Variants in BICC1 observed in about 807,000 individuals in gnomAD.
BICC1 encodes the protein protein bicaudal C homolog 1.
Under a neutral mutation model 111.0 loss-of-function variants are expected in BICC1, and 43 were observed. The ratio of observed to expected loss-of-function variants is 0.39; its 90% confidence interval spans 0.30 to 0.50. The LOEUF is 0.50. Among genes scored for constraint, BICC1 ranks in the 20% least tolerant of loss-of-function variants. The probability of loss-of-function intolerance (pLI) is 0.88; values close to 1 mark genes in which losing one functional copy is unlikely to be tolerated. For missense variants in BICC1, 1,091 were observed against 1,203.2 expected, an observed-to-expected ratio of 0.91 and a Z score of 1.38; for synonymous variants, 467 against 434.4, an observed-to-expected ratio of 1.07 and a Z score of -0.93.
At position 58,694,690 on chromosome 10, in the gene BICC1, A is replaced by G. The variant is rs141411815; in HGVS notation, c.238-7384A>G. Among the ~76,000 whole-genome samples the G allele has an allele frequency of 4.8e-3, 730 of 152,238 alleles. 2 individuals are homozygous for G. Among genetic ancestry groups the G allele is most frequent in the Non-Finnish European group, 8.0e-3 (542 of 68,020 alleles). ...CTCCTAATCGCTGTTAACAACCACA[A>G]TGCTTCCCATATTTCCCATATGTGT... On this transcript the variant is annotated intron_variant, in intron 2 of 20. Coordinates refer to ENST00000373886, the MANE Select transcript of BICC1 (RefSeq NM_001080512.3).
At chr10:58,569,860 A>G (rs987514419) in intron 1 of BICC1, among the ~76,000 whole-genome samples, 2 of 152,134 alleles carry the variant, frequency 1.3e-5, no homozygotes, top group African/African-American at 2.4e-5. Context: ...ATATGTGTGC[A>G]TGTGTCTTTA....
At chr10:58,529,517 T>TA (rs1202219059) in intron 1 of BICC1, among the ~76,000 whole-genome samples, 3 of 151,976 alleles carry the variant, frequency 2.0e-5, no homozygotes, top group Non-Finnish European at 2.9e-5. Context: ...AAGCATCACT[T>TA]AAAGCAAAGG....
At chr10:58,788,254 A>G in intron 5 of BICC1, 116 bp from the exon 6 acceptor site, 1 of 702,014 alleles carries the variant, frequency 1.4e-6, no homozygotes, top group Non-Finnish European at 2.4e-6. Flanking sequence ...CTTCTGGATA[A>G]TACCTCTGTA....
At chr10:58,691,164 T>A (rs1786664568) in intron 2 of BICC1, among the ~76,000 whole-genome samples, 2 of 152,148 alleles carry the variant, frequency 1.3e-5, no homozygotes, top group Admixed American at 1.3e-4. Flanking sequence ...TCATATAATA[T>A]CTACCCTCTT....
chr10:58,573,617 A>G (rs1479500835), intron 1 of BICC1, among the ~76,000 whole-genome samples: 6 of 152,138 alleles, frequency 3.9e-5, no homozygotes, highest in Non-Finnish European at 1.5e-5. Context: ...AACCAAAGCA[A>G]ATCTCGCAAT....
intron 3 of BICC1, among the ~76,000 whole-genome samples, chr10:58,733,920 A>C (rs1389398329): frequency 2.0e-5 from 3 of 152,208 alleles, no homozygotes; most frequent in Non-Finnish European, 4.4e-5. Flanking sequence ...ATTATGGGCA[A>C]GTTATTGTAC....
Position 58,813,814 on chromosome 10 carries a change from C to T in BICC1, c.2377-16C>T. On this transcript the variant is annotated splice_polypyrimidine_tract_variant and intron_variant, in intron 17 of 20. Transcript: ENST00000373886. ...CCTGATTAAATATTTCCTTATCTGGCTTTGTCTGTTTACAGGGCTCATCCA... is the reference window on the plus strand; with the variant it reads ...CCTGATTAAATATTTCCTTATCTGGTTTTGTCTGTTTACAGGGCTCATCCA... 6.2e-7 allele frequency: 1 copy of T among 1,611,086 alleles called. No individual in the cohort carries two copies. Among genetic ancestry groups the T allele is most frequent in the Non-Finnish European group, 8.5e-7 (1 of 1,178,066 alleles).
At position 58,551,172 on chromosome 10, in the gene BICC1, C is replaced by A. The variant is rs115277031; in HGVS notation, c.190+37839C>A. Among the ~76,000 whole-genome samples, 1,176 of 152,166 alleles carry A rather than the reference C, an allele frequency of 7.7e-3. 18 individuals carry two copies. The highest frequency in any genetic ancestry group is 0.027 in the African/African-American group (1,130 of 41,518). ...TAAAATTTGTTGTTCACTGCTGTAT[C>A]CCCTTTACCTAGGACTTGCCTGGCA... is the stretch of plus-strand genomic sequence containing the variant. On this transcript the variant is annotated intron_variant, in intron 1 of 20. Transcript: ENST00000373886.
In BICC1 at chr10:58,789,403, T is replaced by A; in HGVS notation, c.742T>A (p.Tyr248Asn). The change falls in exon 7 of 21, where the codon TAT becomes AAT. Residue 248 changes from tyrosine (Y) to asparagine (N), a missense_variant. Tyr to Asn is a moderately radical substitution (Grantham distance 143). Coordinates refer to ENST00000373886, the MANE Select transcript of BICC1 (RefSeq NM_001080512.3). ...SVSFKQRSRM[Y>N]GATVIVRGSQ... ...ATCATTTAAACAGCGTTCCCGAATG[T>A]ATGGTGCTACTGTCATAGTACGAGG... The A allele has an allele frequency of 6.2e-7, 1 of 1,614,092 alleles. No individual in the cohort carries two copies. Among genetic ancestry groups the A allele is most frequent in the African/African-American group, 1.3e-5 (1 of 75,032 alleles).
chr10:58,590,262 C>A (rs527634634), intron 1 of BICC1, among the ~76,000 whole-genome samples: 1 of 152,082 alleles, frequency 6.6e-6, no homozygotes. Context: ...AGTGCCTATC[C>A]CTTGCCTAGC....
At chr10:58,662,221 C>T (rs1222206987) in intron 2 of BICC1, among the ~76,000 whole-genome samples, 3 of 152,042 alleles carry the variant, frequency 2.0e-5, no homozygotes, top group Admixed American at 6.6e-5. Flanking sequence ...ACATCTTCTA[C>T]TAGAAGAATA....
chr10:58,523,304 A>G (rs1056790048), intron 1 of BICC1, among the ~76,000 whole-genome samples: 5 of 152,242 alleles, frequency 3.3e-5, no homozygotes, highest in Non-Finnish European at 7.3e-5. Flanking sequence ...AAAATCCTCA[A>G]TAAAATACTG....
intron 2 of BICC1, among the ~76,000 whole-genome samples, chr10:58,680,969 T>C (rs553962456): frequency 4.6e-5 from 7 of 152,338 alleles, no homozygotes; most frequent in Admixed American, 4.6e-4. Flanking sequence ...TGGCTAGCCA[T>C]ATGCAGAAAA....
chr10:58,760,203 A>G (rs1241881567), intron 3 of BICC1, among the ~76,000 whole-genome samples: 1 of 152,030 alleles, frequency 6.6e-6, no homozygotes. Context: ...AATGGGAATG[A>G]TTTTCTCAGG....
rs1424866862 is a variant in BICC1, at chr10:58,621,928, A to G, written c.237+1027A>G. Among the ~76,000 whole-genome samples the G allele has an allele frequency of 2.4e-5, 3 of 126,482 alleles. 1 individual carries two copies. The highest frequency in any genetic ancestry group is 5.1e-5 in the Non-Finnish European group (3 of 58,632). 83.0% of individuals were successfully genotyped at this position (126,482 alleles called of 152,430 possible). On this transcript the variant is annotated intron_variant, in intron 2 of 20. Coordinates refer to ENST00000373886, the MANE Select transcript of BICC1 (RefSeq NM_001080512.3). Reference sequence around the variant, plus strand: ...TTAGAATAGAATAGAATAGAATAGAATAGAATAGAATAGAATAGAATAGAA... The same window carrying G: ...TTAGAATAGAATAGAATAGAATAGAGTAGAATAGAATAGAATAGAATAGAA...
chr10:58,702,663 C>T (rs573444075), intron 3 of BICC1, among the ~76,000 whole-genome samples: 2 of 152,132 alleles, frequency 1.3e-5, no homozygotes, highest in African/African-American at 4.8e-5. Flanking sequence ...GGACACTACC[C>T]AGTGCATAGA....
chr10:58,523,612 A>G (rs1769015094), intron 1 of BICC1, among the ~76,000 whole-genome samples: 1 of 152,214 alleles, frequency 6.6e-6, no homozygotes, highest in African/African-American at 2.4e-5. Context: ...GAATGGGCAA[A>G]AACTGGAAGC....
At chr10:58,595,080 T>C (rs1157144869) in intron 1 of BICC1, among the ~76,000 whole-genome samples, 1 of 152,082 alleles carries the variant, frequency 6.6e-6, no homozygotes, top group African/African-American at 2.4e-5. Context: ...TAGGCTCTGA[T>C]AAAACAGACT....
intron 1 of BICC1, among the ~76,000 whole-genome samples, chr10:58,565,557 C>A (rs374377619): frequency 2.0e-5 from 3 of 152,164 alleles, no homozygotes; most frequent in South Asian, 4.1e-4. Context: ...CCCTTGCCCC[C>A]CCGATGTATG....
Sources: allele counts gnomAD v4.1 joint callset (sites outside exome capture counted in the v4.1 genomes callset), GRCh38; gene constraint gnomAD v4.1.1; transcripts MANE v1.5; gene names NCBI Gene and HGNC (gene_info 2026-07-23, HGNC 2026-07-21).